C22orf15: variants seen among roughly 807,000 people sequenced by gnomAD.
C22orf15 encodes chromosome 22 open reading frame 15, also known as uncharacterized protein C22orf15.
In C22orf15, 21 loss-of-function variants were observed where a neutral mutation model predicts 20.3. That is an observed-to-expected ratio of 1.04 (90% confidence interval 0.74 to 1.49). The LOEUF is 1.49. Among genes scored for constraint, C22orf15 ranks in the 40% most tolerant of loss-of-function variants. The pLI, the probability that C22orf15 is intolerant of heterozygous loss-of-function variation, is 0.00. For missense variants in C22orf15, 170 were observed against 191.1 expected (o/e 0.89, Z 0.65); for synonymous variants, 78 against 75.4 (o/e 1.03, Z -0.18).
rs1307918453 is a variant in C22orf15 at position 23,764,335 on chromosome 22, C to G, written c.188C>G (p.Ala63Gly). The change falls in exon 3 of 6, where the codon GCC (alanine) becomes GGC (glycine). Residue 63 changes from alanine (A) to glycine (G), a missense_variant. Coordinates refer to ENST00000402217, the MANE Select transcript of C22orf15 (RefSeq NM_182520.3). ...GACCTGAAGGAAGGGGCTTCCCGGG[C>G]CCAGACCATGGGCAACTCCCTACTG... ...EEDLKEGASR[A>G]QTMGNSLLKE... 6.4e-7 allele frequency: 1 copy of G among 1,551,646 alleles called. No individual in the cohort carries two copies. The highest frequency in any genetic ancestry group is 2.0e-5 in the Admixed American group (1 of 51,014).
At chr22:23,763,956 C>T (rs778750969) in intron 1 of C22orf15, 131 bp from the exon 2 acceptor site, 9 of 818,182 alleles carry the variant, frequency 1.1e-5, no homozygotes, top group South Asian at 1.6e-5. Flanking sequence ...GCTGTTATGC[C>T]CGGGGCACAG....
In C22orf15 at chr22:23,764,326, C is replaced by A; in HGVS notation, c.179C>A (p.Ala60Asp). The stretch of plus-strand genomic sequence containing the variant: ...CTGGAGGAGGACCTGAAGGAAGGGG[C>A]TTCCCGGGCCCAGACCATGGGCAAC... ...VSLEEDLKEG[A>D]SRAQTMGNSL... The change falls in exon 3 of 6, where the codon GCT becomes GAT. Residue 60 changes from alanine (A) to aspartate (D), a missense_variant. Transcript: ENST00000402217. 3 of 1,551,610 alleles carry A rather than the reference C, an allele frequency of 1.9e-6. No homozygotes were observed. The highest frequency in any genetic ancestry group is 2.7e-5 in the African/African-American group (2 of 73,160).
At position 23,764,801 on chromosome 22, in the gene C22orf15, C is replaced by A; in HGVS notation, c.334C>A (p.Arg112Ser). ...DHYPELAEEL[R>S]RLSGLSSVGH... ...CTTCCTGGGCCTTCCAGAGGAACTG[C>A]GCAGGCTGTCAGGCCTCTCCTCTGT... The change falls in exon 5 of 6, where the codon CGC (arginine) becomes AGC (serine). Residue 112 changes from arginine to serine, a missense_variant. Arg to Ser is a moderately radical substitution (Grantham distance 110, BLOSUM62 -1). Coordinates refer to ENST00000402217, the MANE Select transcript of C22orf15 (RefSeq NM_182520.3). The A allele has an allele frequency of 6.2e-7, 1 of 1,614,086 alleles. No homozygotes were observed. Among genetic ancestry groups the A allele is most frequent in the Non-Finnish European group, 8.5e-7 (1 of 1,180,006 alleles).
At chr22:23,765,131 G>A (rs186554866) in intron 5 of C22orf15, 30 of 1,435,214 alleles carry the variant, frequency 2.1e-5, no homozygotes, top group Non-Finnish European at 2.5e-5. Context: ...CGCACTAAGG[G>A]CCGGAATGTC....
chr22:23,764,116 T>C lies in C22orf15; in HGVS notation c.55T>C (p.Cys19Arg), dbSNP rs1384081247. Residue 19 changes from cysteine (C) to arginine (R), a missense_variant, in exon 2 of 6, where the codon TGC (cysteine) becomes CGC (arginine). Transcript: ENST00000402217. Reference sequence around the variant, plus strand: ...CTGCTCGGTGCTGGTGAACACCTCTTGCAGGCTGGTGAACCTCACCGCCCA... The same window carrying C: ...CTGCTCGGTGCTGGTGAACACCTCTCGCAGGCTGGTGAACCTCACCGCCCA... ...AGCSVLVNTS[C>R]RLVNLTAHLR... is the part of the protein sequence containing the mutation. The C allele has an allele frequency of 6.4e-7, 1 of 1,551,046 alleles. No individual in the cohort carries two copies. The highest frequency in any genetic ancestry group is 2.0e-5 in the Admixed American group (1 of 50,978).
intron 3 of C22orf15, 110 bp from the exon 4 acceptor site, chr22:23,764,529 A>G (rs1255553788): frequency 3.2e-6 from 5 of 1,555,566 alleles, no homozygotes; most frequent in Non-Finnish European, 4.4e-6. Flanking sequence ...ATCCATCCCT[A>G]CCCAATGCTC....
chr22:23,763,222 G>C lies in C22orf15; in HGVS notation c.-85G>C. On this transcript the variant is annotated 5_prime_UTR_variant, in exon 1 of 6. Coordinates refer to ENST00000402217, the MANE Select transcript of C22orf15 (RefSeq NM_182520.3). ...CCCTCCAGAGCCCGGCCCTGAAGCA[G>C]GTCTCTGCTCCACGCTTTTCCTTAG... 6.5e-7 allele frequency: 1 copy of C among 1,532,640 alleles called. No homozygotes were observed. Among genetic ancestry groups the C allele is most frequent in the Non-Finnish European group, 8.8e-7 (1 of 1,132,984 alleles). 94.9% of individuals were successfully genotyped at this position (1,532,640 alleles called of 1,614,324 possible).
rs569128310 is a variant in C22orf15, at chr22:23,764,161, T to C, written c.100T>C (p.Leu34=). The change falls in exon 2 of 6, where the codon TTG becomes CTG. Residue 34 remains leucine, a synonymous_variant. Coordinates refer to ENST00000402217, the MANE Select transcript of C22orf15 (RefSeq NM_182520.3). ...LTAHLRQKAG[L]PPDATIALLA... is the part of the protein sequence containing the mutation. ...CGCCCACCTGAGGCAGAAAGCAGGG[T>C]TGCCCCCAGATGGTGAGGAGACAGG... 1.0e-4 allele frequency: 162 copies of C among 1,551,524 alleles called. 1 individual carries two copies. The African/African-American group carries it at 2.1e-3, about 20-fold the overall frequency.
chr22:23,764,053 G>T, intron 1 of C22orf15, 34 bp from the exon 2 acceptor site: 1 of 1,544,836 alleles, frequency 6.5e-7, no homozygotes. Flanking sequence ...GAAGGTAAGA[G>T]ATCTCACAGG....
chr22:23,763,784 C>T (rs1926116204), intron 1 of C22orf15, among the ~76,000 whole-genome samples: 1 of 152,142 alleles, frequency 6.6e-6, no homozygotes, highest in Non-Finnish European at 1.5e-5. Flanking sequence ...GGCTGGGTCC[C>T]GTGGGGGCGG....
chr22:23,763,431 G>T, intron 1 of C22orf15, 100 bp downstream of exon 1: 11 of 1,178,164 alleles, frequency 9.3e-6, no homozygotes, highest in Non-Finnish European at 1.0e-5. Flanking sequence ...GCAATGGCGG[G>T]AAAGGGGGGT....
intron 5 of C22orf15, chr22:23,765,183 G>A: frequency 2.1e-6 from 3 of 1,440,330 alleles, no homozygotes; most frequent in Non-Finnish European, 2.7e-6. Flanking sequence ...GCACACAGTA[G>A]GAGCTCAGTG....
rs758333362 is a variant in C22orf15, at chr22:23,764,633, T to C, written c.251-6T>C. The C allele has an allele frequency of 6.2e-7, 1 of 1,614,070 alleles. No homozygotes were observed. The highest frequency in any genetic ancestry group is 1.7e-5 in the Admixed American group (1 of 60,014). On this transcript the variant is annotated splice_polypyrimidine_tract_variant and splice_region_variant and intron_variant, in intron 3 of 5. Transcript: ENST00000402217. ...GTGTCCTTCATCGTCTCTCCACATGTCACAGAGGGAGAGGACATGGCCTCC... is the reference window on the plus strand; with the variant it reads ...GTGTCCTTCATCGTCTCTCCACATGCCACAGAGGGAGAGGACATGGCCTCC...
In C22orf15 at chr22:23,764,766, A is replaced by G. The variant is rs772517921; in HGVS notation, c.326-27A>G. The G allele has an allele frequency of 5.0e-6, 8 of 1,614,082 alleles. 1 individual carries two copies. Among genetic ancestry groups the G allele is most frequent in the South Asian group, 3.3e-5 (3 of 91,080 alleles). On this transcript the variant is annotated intron_variant, in intron 4 of 5. Transcript: ENST00000402217. ...AGGGCACACCTTCTCCCTAACCCCT[A>G]CCAACAGGACTTCCTGGGCCTTCCA...
chr22:23,764,190 GAGA>G lies in C22orf15; in HGVS notation c.112+20_112+22del, dbSNP rs1926232594. The stretch of plus-strand genomic sequence containing the variant: ...CCCCAGATGGTGAGGAGACAGGGAG[GAGA>G]AGGAGGGGCTGAGGGGTCCCAGGCA... On this transcript the variant is annotated intron_variant, in intron 2 of 5. Coordinates refer to ENST00000402217, the MANE Select transcript of C22orf15 (RefSeq NM_182520.3). The G allele has an allele frequency of 2.6e-6, 4 of 1,551,680 alleles. No homozygotes were observed. The South Asian group carries it at 3.6e-5, about 14-fold the overall frequency.
At chr22:23,764,946 C>T (rs1480646015) in intron 5 of C22orf15, 44 bp downstream of exon 5, 1 of 1,579,846 alleles carries the variant, frequency 6.3e-7, no homozygotes, top group Non-Finnish European at 8.6e-7. Flanking sequence ...GGGCAGGGAG[C>T]CAGGTACAGA....
At position 23,765,466 on chromosome 22, in the gene C22orf15, G is replaced by A. The variant is rs570751422; in HGVS notation, c.436-255G>A. The A allele has an allele frequency of 5.6e-4, 868 of 1,550,872 alleles. 19 individuals carry two copies. The South Asian group carries it at 9.6e-3, about 17-fold the overall frequency. On this transcript the variant is annotated intron_variant, in intron 5 of 5. Transcript: ENST00000402217. ...TCAGCAAGAGGGGCAAGGTCAGACAGGATTTGAGGCCGCCAGGGGCACCTA... is the reference window on the plus strand; with the variant it reads ...TCAGCAAGAGGGGCAAGGTCAGACAAGATTTGAGGCCGCCAGGGGCACCTA...
At chr22:23,763,984 A>C in intron 1 of C22orf15, 103 bp from the exon 2 acceptor site, 1 of 1,140,324 alleles carries the variant, frequency 8.8e-7, no homozygotes, top group Non-Finnish European at 1.3e-6. Context: ...CCATAGGCCC[A>C]GTCGCAGCTC....
In C22orf15 at chr22:23,764,398, G is replaced by A. The variant is rs1175172736; in HGVS notation, c.250+1G>A. 2.6e-6 allele frequency: 4 copies of A among 1,565,114 alleles called. No homozygotes were observed. Among genetic ancestry groups the A allele is most frequent in the Non-Finnish European group, 2.6e-6 (3 of 1,154,680 alleles). On this transcript the variant is annotated splice_donor_variant, in intron 3 of 5. Transcript: ENST00000402217. LOFTEE classifies it high-confidence loss of function. Reference sequence around the variant, plus strand: ...ATATATGTCCTCGTTCGGATCATCAGTAAGGTGGCCCAAGGTTCTCTCCCC... The same window carrying A: ...ATATATGTCCTCGTTCGGATCATCAATAAGGTGGCCCAAGGTTCTCTCCCC...
Sources: gnomAD v4.1 joint callset for allele counts (sites outside exome capture counted in the v4.1 genomes callset) on GRCh38, gnomAD v4.1.1 for gene constraint, MANE v1.5 for transcripts, NCBI Gene and HGNC (gene_info 2026-07-23, HGNC 2026-07-21) for gene names.